Variants in DMXL1 observed in about 807,000 individuals in gnomAD.
The protein encoded by DMXL1 is Dmx like 1, also known as dmX-like protein 1.
A neutral mutation model predicts 319.2 loss-of-function variants in DMXL1; 99 were observed. The observed-to-expected ratio is 0.31, with a 90% CI of 0.26 to 0.37. The LOEUF is 0.37. Ranked by LOEUF, DMXL1 falls within the 10% of genes least tolerant of loss-of-function variation. The probability of loss-of-function intolerance (pLI) is 1.00; values close to 1 mark genes in which losing one functional copy is unlikely to be tolerated. For synonymous variants in DMXL1, 1,385 were observed against 1,235.2 expected (o/e 1.12, Z -2.54); for missense variants, 3,745 against 3,595.6 (o/e 1.04, Z -1.06).
chr5:119,126,317 T>G (rs1763561678), intron 9 of DMXL1, among the ~76,000 whole-genome samples: 4 of 152,234 alleles, frequency 2.6e-5, no homozygotes, highest in Admixed American at 2.0e-4. Context: ...AATAAAAGCA[T>G]TATTGTATGT....
At chr5:119,090,931 C>T (rs1483629019) in intron 1 of DMXL1, among the ~76,000 whole-genome samples, 1 of 152,000 alleles carries the variant, frequency 6.6e-6, no homozygotes, top group Admixed American at 6.6e-5. Context: ...TTGATCCATT[C>T]TTCTATGGAG....
At position 119,147,375 on chromosome 5, in the gene DMXL1, G is replaced by A; in HGVS notation, c.2816G>A (p.Ser939Asn). The change falls in exon 17 of 44, where the codon AGT becomes AAT. Residue 939 changes from serine to asparagine, a missense_variant. Coordinates refer to ENST00000539542, the MANE Select transcript of DMXL1 (RefSeq NM_001290321.3). ...KYQACRANLQ[S>N]TSRLTLFSEM... ...CAGGCTTGCAGAGCAAATCTCCAGA[G>A]TACCAGCAGGTTGACTCTGTTTTCA... The A allele has an allele frequency of 1.2e-6, 2 of 1,613,536 alleles. No homozygotes were observed. Among genetic ancestry groups the A allele is most frequent in the Non-Finnish European group, 1.7e-6 (2 of 1,179,688 alleles).
chr5:119,136,334 T>C (rs1765982661), intron 13 of DMXL1, among the ~76,000 whole-genome samples: 6 of 152,224 alleles, frequency 3.9e-5, no homozygotes, highest in Admixed American at 3.9e-4. Context: ...TGGTTTGAAA[T>C]TGAAATTTAT....
At chr5:119,228,733 A>G (rs1786080404) in intron 38 of DMXL1, among the ~76,000 whole-genome samples, 1 of 152,126 alleles carries the variant, frequency 6.6e-6, no homozygotes, top group African/African-American at 2.4e-5. Flanking sequence ...TTTATAATGT[A>G]TTTTTGGGAA....
At chr5:119,156,611 A>G (rs1771126312) in intron 19 of DMXL1, among the ~76,000 whole-genome samples, 3 of 151,954 alleles carry the variant, frequency 2.0e-5, no homozygotes, top group Admixed American at 6.6e-5. Flanking sequence ...CTATATACAC[A>G]TAAGTGGGAT....
At chr5:119,081,669 A>G (rs1752217331) in intron 1 of DMXL1, 3 of 985,352 alleles carry the variant, frequency 3.0e-6, no homozygotes, top group Middle Eastern at 5.2e-4. Context: ...ATTGAAGACC[A>G]ACTTAGACTT....
At position 119,133,635 on chromosome 5, in the gene DMXL1, C is replaced by T. The variant is rs1256014873; in HGVS notation, c.1711C>T (p.Arg571Cys). 1.1e-5 allele frequency: 17 copies of T among 1,614,120 alleles called. No individual in the cohort carries two copies. Among genetic ancestry groups the T allele is most frequent in the African/African-American group, 1.3e-5 (1 of 75,038 alleles). Residue 571 changes from arginine (R) to cysteine (C), a missense_variant, in exon 12 of 44, where the codon CGT becomes TGT. Transcript: ENST00000539542. ...QGKQKPSGLT[R>C]STSMLISSGH... ...GAAACAAAAACCTTCTGGCCTCACC[C>T]GTTCCACATCAATGCTTATTTCTTC...
chr5:119,215,011 G>A (rs1783434913), intron 34 of DMXL1, among the ~76,000 whole-genome samples: 1 of 152,092 alleles, frequency 6.6e-6, no homozygotes, highest in Admixed American at 6.6e-5. Context: ...CAGATTGGTG[G>A]GTAAGTTGGA....
chr5:119,129,212 C>T lies in DMXL1; in HGVS notation c.1104C>T (p.Asp368=), dbSNP rs1408575006. 5.6e-6 allele frequency: 9 copies of T among 1,594,882 alleles called. No homozygotes were observed. Among genetic ancestry groups the T allele is most frequent in the African/African-American group, 1.4e-5 (1 of 74,018 alleles). The stretch of plus-strand genomic sequence containing the variant: ...TTTTATCTTTTTTTTCTCTTATAGA[C>T]ATTCCACTTCTTCCATCTATTACAT... ...HIAASINPAT[D]IPLLPSITSL... is the part of the protein sequence containing the mutation. Residue 368 remains aspartate (D), a splice_region_variant and synonymous_variant, in exon 10 of 44, where the codon GAC becomes GAT. Coordinates refer to ENST00000539542, the MANE Select transcript of DMXL1 (RefSeq NM_001290321.3).
intron 42 of DMXL1, among the ~76,000 whole-genome samples, chr5:119,241,249 A>C (rs1468373034): frequency 1.3e-5 from 2 of 152,160 alleles, no homozygotes; most frequent in Non-Finnish European, 2.9e-5. Context: ...TTTCTGTCTG[A>C]GGCCGGGCGC....
intron 28 of DMXL1, among the ~76,000 whole-genome samples, chr5:119,182,847 A>G (rs994424272): frequency 2.0e-5 from 3 of 152,184 alleles, no homozygotes; most frequent in African/African-American, 7.2e-5. Flanking sequence ...TCAATTTTAA[A>G]GAAGAGAACC....
At position 119,143,863 on chromosome 5, in the gene DMXL1, A is replaced by G; in HGVS notation, c.2399A>G (p.Asn800Ser). 1.3e-6 allele frequency: 2 copies of G among 1,587,318 alleles called. No individual in the cohort carries two copies. Among genetic ancestry groups the G allele is most frequent in the Non-Finnish European group, 1.7e-6 (2 of 1,167,398 alleles). ...CAGAAATATGTTGGTGAAGTCTTTAACATCGTCAGTCAACAATCAACAGCC... is the reference window on the plus strand; with the variant it reads ...CAGAAATATGTTGGTGAAGTCTTTAGCATCGTCAGTCAACAATCAACAGCC... ...EISKYVGEVF[N>S]IVSQQSTARP... Residue 800 changes from asparagine (N) to serine (S), a missense_variant, in exon 14 of 44, where the codon AAC (asparagine) becomes AGC (serine). Physicochemically the swap from Asn to Ser is conservative, Grantham distance 46 (BLOSUM62 1). Around this residue, in one of 4 missense-constraint regions of DMXL1, gnomAD observed 2,096 missense variants for 1,985.4 expected, o/e 1.06. Transcript: ENST00000539542.
intron 10 of DMXL1, chr5:119,132,681 A>T: frequency 2.3e-6 from 1 of 439,590 alleles, no homozygotes; most frequent in Non-Finnish European, 4.5e-6. Context: ...TCTCAAAAAA[A>T]AAAAAAAAAT....
intron 4 of DMXL1, among the ~76,000 whole-genome samples, chr5:119,105,895 CAAA>C (rs560106066): frequency 1.2e-4 from 9 of 76,754 alleles, no homozygotes; most frequent in Non-Finnish European, 1.4e-4. Context: ...GAAACTGTCT[CAAA>C]AAAAAAAAAA....
intron 34 of DMXL1, among the ~76,000 whole-genome samples, chr5:119,216,662 T>C (rs1783757918): frequency 6.6e-6 from 1 of 152,220 alleles, no homozygotes; most frequent in South Asian, 2.1e-4. Flanking sequence ...AGCCACTTAA[T>C]GAAGTTGTAT....
chr5:119,172,756 A>C (rs573047448), intron 25 of DMXL1, among the ~76,000 whole-genome samples: 3 of 151,944 alleles, frequency 2.0e-5, no homozygotes, highest in Non-Finnish European at 2.9e-5. Context: ...TTAATAGTCT[A>C]TCATGTAGCT....
Position 119,167,730 on chromosome 5 carries a change from C to CT in DMXL1, c.5265dup (p.Val1756CysfsTer3). The stretch of plus-strand genomic sequence containing the variant: ...AAAAAAGTTTTGGGAATCGATTCTC[C>CT]TGTCAGTGAACTGTGTTCATTGAAC... On this transcript the variant is annotated frameshift_variant, in exon 23 of 44. Transcript: ENST00000539542. LOFTEE classifies it high-confidence loss of function. 1 of 1,613,630 alleles carries CT rather than the reference C, an allele frequency of 6.2e-7. No individual in the cohort carries two copies. Among genetic ancestry groups the CT allele is most frequent in the Non-Finnish European group, 8.5e-7 (1 of 1,179,746 alleles).
intron 9 of DMXL1, among the ~76,000 whole-genome samples, chr5:119,126,018 C>T (rs1377679425): frequency 1.3e-5 from 2 of 152,034 alleles, no homozygotes; most frequent in East Asian, 1.9e-4. Flanking sequence ...TGACTGGGTT[C>T]GATGGCTCAC....
intron 1 of DMXL1, among the ~76,000 whole-genome samples, chr5:119,093,067 A>G (rs574366297): frequency 5.1e-4 from 77 of 151,560 alleles, no homozygotes; most frequent in African/African-American, 1.4e-3. Context: ...ATTTTTACAA[A>G]TTGAAGTTTT....
Sources: gnomAD v4.1 joint callset for allele counts (sites outside exome capture counted in the v4.1 genomes callset) on GRCh38, gnomAD v4.1.1 for gene constraint, gnomAD v4.1.1 regional missense constraint, MANE v1.5 for transcripts, NCBI Gene and HGNC (gene_info 2026-07-23, HGNC 2026-07-21) for gene names.